Variants in STK31 observed in about 807,000 individuals in gnomAD.
STK31 encodes serine/threonine-protein kinase 31.
A neutral mutation model predicts 129.7 loss-of-function variants in STK31; 89 were observed. The observed-to-expected ratio is 0.69, with a 90% CI of 0.58 to 0.82. The LOEUF (loss-of-function observed/expected upper bound fraction) is 0.82. Among genes scored for constraint, STK31 ranks in the 40% least tolerant of loss-of-function variants. STK31 has a pLI of 0.00. For missense variants in STK31, 1,187 were observed against 1,176.4 expected (o/e 1.01, Z -0.13); for synonymous variants, 448 against 395.3 (o/e 1.13, Z -1.58).
chr7:23,824,604 G>A (rs571070113), intron 23 of STK31, among the ~76,000 whole-genome samples: 6 of 152,224 alleles, frequency 3.9e-5, no homozygotes, highest in African/African-American at 1.2e-4. Flanking sequence ...TCTCCTGCCT[G>A]ATTGCCCTGG....
At chr7:23,830,417 A>G (rs192228501) in intron 23 of STK31, among the ~76,000 whole-genome samples, 13 of 152,134 alleles carry the variant, frequency 8.5e-5, no homozygotes, top group Middle Eastern at 3.4e-3. Context: ...TGCTTTTGCT[A>G]TATCTCATCA....
At chr7:23,767,762 A>G (rs1177203309) in intron 11 of STK31, among the ~76,000 whole-genome samples, 1 of 152,158 alleles carries the variant, frequency 6.6e-6, no homozygotes, top group East Asian at 1.9e-4. Flanking sequence ...GAGCCTATGA[A>G]AAAAGTTTTC....
intron 23 of STK31, among the ~76,000 whole-genome samples, chr7:23,816,527 C>T (rs111349850): frequency 1.3e-5 from 2 of 152,264 alleles, no homozygotes; most frequent in African/African-American, 2.4e-5. Context: ...TCTTAAAGCT[C>T]GATTGGAGAT....
At chr7:23,758,760 T>C (rs1404053229) in intron 10 of STK31, among the ~76,000 whole-genome samples, 1 of 152,150 alleles carries the variant, frequency 6.6e-6, no homozygotes, top group Non-Finnish European at 1.5e-5. Context: ...GTTGTTCAGT[T>C]TCCATGACAT....
intron 14 of STK31, 22 bp downstream of exon 14, chr7:23,771,146 T>C (rs758592822): frequency 2.7e-5 from 42 of 1,528,918 alleles, no homozygotes; most frequent in Non-Finnish European, 3.1e-5. Context: ...CTTTCTCTTA[T>C]TGATCTTATA....
At chr7:23,787,015 T>A (rs1791326793) in intron 20 of STK31, 91 bp downstream of exon 20, 1 of 1,271,844 alleles carries the variant, frequency 7.9e-7, no homozygotes, top group Non-Finnish European at 1.1e-6. Flanking sequence ...GCTATGTATT[T>A]TGTAAAATTT....
intron 20 of STK31, 87 bp from the exon 21 acceptor site, chr7:23,787,893 C>A (rs954020485): frequency 3.7e-6 from 5 of 1,341,354 alleles, no homozygotes; most frequent in Non-Finnish European, 5.0e-6. Context: ...TTACTCACTT[C>A]TAGAGCAGTC....
chr7:23,761,570 G>A (rs1420867959), intron 10 of STK31, among the ~76,000 whole-genome samples: 1 of 151,838 alleles, frequency 6.6e-6, no homozygotes, highest in African/African-American at 2.4e-5. Context: ...ACAGGCGCCT[G>A]CCACTCTGCC....
intron 1 of STK31, 37 bp from the exon 2 acceptor site, chr7:23,712,062 G>A: frequency 6.6e-7 from 1 of 1,511,504 alleles, no homozygotes; most frequent in South Asian, 1.1e-5. Context: ...ATTATTAATG[G>A]TGGATTATTG....
rs1436091012 is a variant in STK31 at position 23,737,032 on chromosome 7, A to G, written c.971A>G (p.Tyr324Cys). The G allele has an allele frequency of 6.2e-6, 10 of 1,612,202 alleles. No homozygotes were observed. The highest frequency in any genetic ancestry group is 7.6e-6 in the Non-Finnish European group (9 of 1,179,676). ...GAGAAGGACGCTCTTCTTGAAAGTT[A>G]TAAGGCGTTAGAATTGAAAGTAGAG... ...KTEKDALLES[Y>C]KALELKVEQI... The change falls in exon 8 of 24, where the codon TAT becomes TGT. Residue 324 changes from tyrosine (Y) to cysteine (C), a missense_variant. Coordinates refer to ENST00000355870, the MANE Select transcript of STK31 (RefSeq NM_031414.5).
At chr7:23,791,520 C>T (rs1268048019) in intron 22 of STK31, among the ~76,000 whole-genome samples, 1 of 152,126 alleles carries the variant, frequency 6.6e-6, no homozygotes, top group Non-Finnish European at 1.5e-5. Flanking sequence ...AGGTATTAGG[C>T]TGATTACCTG....
rs1714814248 is a variant in STK31 at position 23,743,442 on chromosome 7, C to G, written c.1017+6364C>G. On this transcript the variant is annotated intron_variant, in intron 8 of 23. Transcript: ENST00000355870. ...GTATTCTTGACTAGCAGTTTCCTTT[C>G]AGCGCTTTGAATATATTGTTTCATT... Among the ~76,000 whole-genome samples, 5 of 152,296 alleles carry G rather than the reference C, an allele frequency of 3.3e-5. No homozygotes were observed. In the South Asian group the frequency reaches 1.0e-3, roughly 32 times the overall value.
intron 8 of STK31, among the ~76,000 whole-genome samples, chr7:23,745,807 C>T (rs1237692940): frequency 6.6e-6 from 1 of 152,116 alleles, no homozygotes; most frequent in East Asian, 1.9e-4. Context: ...GTAGCCTTTC[C>T]TCTGGGTCCG....
chr7:23,746,192 G>C (rs1232959723), intron 8 of STK31, among the ~76,000 whole-genome samples: 3 of 152,152 alleles, frequency 2.0e-5, no homozygotes, highest in African/African-American at 7.2e-5. Context: ...GACCCAACAT[G>C]AGCTCCCTGT....
intron 23 of STK31, among the ~76,000 whole-genome samples, chr7:23,819,320 T>G (rs956050541): frequency 1.3e-5 from 2 of 152,268 alleles, no homozygotes; most frequent in Non-Finnish European, 2.9e-5. Flanking sequence ...AGATACTGTT[T>G]TTTGCTACTT....
intron 10 of STK31, among the ~76,000 whole-genome samples, chr7:23,761,379 G>A (rs944497147): frequency 6.6e-6 from 1 of 150,396 alleles, no homozygotes; most frequent in Admixed American, 6.6e-5. Flanking sequence ...TTTTATTCAA[G>A]TATTTTGCAT....
chr7:23,769,953 C>T (rs1189702806), intron 13 of STK31, among the ~76,000 whole-genome samples, 197 bp downstream of exon 13: 2 of 152,098 alleles, frequency 1.3e-5, no homozygotes, highest in African/African-American at 2.4e-5. Flanking sequence ...AAGTCTTATT[C>T]TTAGGTGACA....
chr7:23,776,335 C>G (rs1207074609), intron 15 of STK31, among the ~76,000 whole-genome samples: 1 of 152,056 alleles, frequency 6.6e-6, no homozygotes, highest in African/African-American at 2.4e-5. Flanking sequence ...GAGGATGATG[C>G]TGGCCTCATA....
At chr7:23,783,915 A>C (rs115311853) in intron 17 of STK31, among the ~76,000 whole-genome samples, 541 of 152,258 alleles carry the variant, frequency 3.6e-3, no homozygotes, top group African/African-American at 0.013. Flanking sequence ...CATGACACTT[A>C]TTTGAATTAT....
Sources: gnomAD v4.1 joint callset for allele counts (sites outside exome capture counted in the v4.1 genomes callset) on GRCh38, gnomAD v4.1.1 for gene constraint, MANE v1.5 for transcripts, NCBI Gene and HGNC (gene_info 2026-07-23, HGNC 2026-07-21) for gene names.